CBFA2T2: variants seen among roughly 807,000 people sequenced by gnomAD.
The protein encoded by CBFA2T2 is protein CBFA2T2.
In CBFA2T2, 11 loss-of-function variants were observed where a neutral mutation model predicts 62.2. That is an observed-to-expected ratio of 0.18 (90% CI 0.11 to 0.29). The LOEUF (loss-of-function observed/expected upper bound fraction) is 0.29. CBFA2T2 is among the 10% of genes least tolerant of loss of function. CBFA2T2 has a pLI of 1.00. For synonymous variants in CBFA2T2, 295 were observed against 287.5 expected (o/e 1.03, Z -0.27); for missense variants, 592 against 774.1 (o/e 0.76, Z 2.79).
chr20:33,541,940 A>G (rs902785879), intron 1 of CBFA2T2, among the ~76,000 whole-genome samples: 4 of 152,118 alleles, frequency 2.6e-5, no homozygotes. Context: ...GTGCAGTGGC[A>G]TCATCATAGC....
At chr20:33,548,425 G>A (rs1379352974) in intron 1 of CBFA2T2, among the ~76,000 whole-genome samples, 2 of 151,540 alleles carry the variant, frequency 1.3e-5, no homozygotes, top group Non-Finnish European at 2.9e-5. Flanking sequence ...TGTAATTTTA[G>A]TAGAGATGGG....
chr20:33,549,428 A>G (rs209661), intron 1 of CBFA2T2, among the ~76,000 whole-genome samples: 2,019 of 152,312 alleles, frequency 0.013, 44 homozygotes, highest in African/African-American at 0.046. Flanking sequence ...CTCAGCAGTA[A>G]AAAGGAGTGA....
rs2015517014 is a variant in CBFA2T2 at position 33,611,253 on chromosome 20, T to G, written c.338T>G (p.Phe113Cys). ...GARQLSKLKRFLTTLQQFGND... is the reference protein window; with the variant it reads ...GARQLSKLKRCLTTLQQFGND... Reference sequence around the variant, plus strand: ...CGACAACTCAGCAAGTTGAAACGCTTTCTTACCACTCTGCAACAGTTTGGC... The same window carrying G: ...CGACAACTCAGCAAGTTGAAACGCTGTCTTACCACTCTGCAACAGTTTGGC... The change falls in exon 3 of 11, where the codon TTT (phenylalanine) becomes TGT (cysteine). Residue 113 changes from phenylalanine to cysteine, a missense_variant. By Grantham distance (205) the Phe-to-Cys change is radical. Transcript: ENST00000342704. 6.2e-7 allele frequency: 1 copy of G among 1,614,062 alleles called. No individual in the cohort carries two copies. The highest frequency in any genetic ancestry group is 8.5e-7 in the Non-Finnish European group (1 of 1,180,030).
chr20:33,600,624 A>C (rs2015094279), intron 1 of CBFA2T2, among the ~76,000 whole-genome samples: 1 of 152,122 alleles, frequency 6.6e-6, no homozygotes, highest in Non-Finnish European at 1.5e-5. Flanking sequence ...TGGGGGCACT[A>C]TTCAAACTAT....
intron 1 of CBFA2T2, among the ~76,000 whole-genome samples, chr20:33,584,276 T>C (rs1425131551): frequency 6.6e-6 from 1 of 150,584 alleles, no homozygotes; most frequent in Non-Finnish European, 1.5e-5. Context: ...TTTTCTTTTT[T>C]TTTTTTTGAG....
intron 1 of CBFA2T2, among the ~76,000 whole-genome samples, chr20:33,494,460 T>G (rs929223000): frequency 1.0e-4 from 15 of 150,384 alleles, no homozygotes; most frequent in Non-Finnish European, 1.9e-4. Flanking sequence ...TTTTTGTATT[T>G]TTGGTAGAGG....
chr20:33,567,669 G>A (rs2146899074), intron 1 of CBFA2T2, among the ~76,000 whole-genome samples: 1 of 150,698 alleles, frequency 6.6e-6, no homozygotes, highest in South Asian at 2.1e-4. Context: ...TGCAACCTCC[G>A]CCTCTCAGGT....
At chr20:33,504,087 ACTTTTT>A (rs984323095) in intron 1 of CBFA2T2, among the ~76,000 whole-genome samples, 6 of 151,790 alleles carry the variant, frequency 4.0e-5, no homozygotes, top group African/African-American at 1.5e-4. Context: ...TTGTTTCTCT[ACTTTTT>A]CTTTTCTATA....
chr20:33,562,382 G>A (rs1006662765), intron 1 of CBFA2T2: 1 of 985,932 alleles, frequency 1.0e-6, no homozygotes, highest in South Asian at 4.7e-5. Flanking sequence ...GAAAAAGAGA[G>A]AGACTGACTG....
chr20:33,629,937 A>G (rs1437862694), intron 8 of CBFA2T2, 23 bp downstream of exon 8: 1 of 1,570,108 alleles, frequency 6.4e-7, no homozygotes, highest in East Asian at 2.3e-5. Context: ...TCTACGGGAA[A>G]CCCAAAATAA....
chr20:33,624,928 C>G lies in CBFA2T2; in HGVS notation c.857C>G (p.Thr286Ser), dbSNP rs2016165317. The G allele has an allele frequency of 6.2e-7, 1 of 1,613,968 alleles. No homozygotes were observed. Among genetic ancestry groups the G allele is most frequent in the Non-Finnish European group, 8.5e-7 (1 of 1,180,020 alleles). ...ACCCCTCCACCTCTTCAGCATTACA[C>G]CTTAGAGGATATTGCAACTTCTCAC... ...HPTPPPLQHY[T>S]LEDIATSHLY... Residue 286 changes from threonine to serine, a missense_variant, in exon 6 of 11, where the codon ACC becomes AGC. By Grantham distance (58) the Thr-to-Ser change is moderately conservative (BLOSUM62 1). Coordinates refer to ENST00000342704, the MANE Select transcript of CBFA2T2 (RefSeq NM_001032999.3).
chr20:33,562,880 CT>C (rs1388095256), intron 1 of CBFA2T2, among the ~76,000 whole-genome samples: 1 of 152,032 alleles, frequency 6.6e-6, no homozygotes, highest in Non-Finnish European at 1.5e-5. Context: ...GAATGTCATG[CT>C]TTTTTGAATG....
At chr20:33,580,882 A>G (rs963479174) in intron 1 of CBFA2T2, among the ~76,000 whole-genome samples, 3 of 152,198 alleles carry the variant, frequency 2.0e-5, no homozygotes, top group African/African-American at 7.2e-5. Flanking sequence ...TTAAAAAGGC[A>G]GACTCCATTT....
At chr20:33,637,273 T>A (rs1190713045) in intron 9 of CBFA2T2, among the ~76,000 whole-genome samples, 1 of 152,234 alleles carries the variant, frequency 6.6e-6, no homozygotes, top group African/African-American at 2.4e-5. Flanking sequence ...ATATTGGCAT[T>A]CTTTCACTTC....
chr20:33,542,961 C>G (rs191415640), intron 1 of CBFA2T2, among the ~76,000 whole-genome samples: 10 of 152,124 alleles, frequency 6.6e-5, no homozygotes, highest in African/African-American at 2.4e-4. Flanking sequence ...CCACCATGCC[C>G]GGCTATTTCT....
chr20:33,497,581 CA>C, intron 1 of CBFA2T2, among the ~76,000 whole-genome samples: 1 of 133,110 alleles, frequency 7.5e-6, no homozygotes, highest in African/African-American at 2.9e-5. Context: ...GAAGGGGTCT[CA>C]CTCTGTCGCT....
In CBFA2T2 at chr20:33,644,415, C is replaced by T. The variant is rs752249135; in HGVS notation, c.1557C>T (p.Gly519=). 3 of 1,614,136 alleles carry T rather than the reference C, an allele frequency of 1.9e-6. No individual in the cohort carries two copies. The highest frequency in any genetic ancestry group is 1.3e-5 in the African/African-American group (1 of 74,950). ...CSGCNIARYC[G]SFCQHKDWER... Reference sequence around the variant, plus strand: ...GCTGCAATATCGCGCGATACTGTGGCTCTTTCTGCCAGCACAAGGACTGGG... The same window carrying T: ...GCTGCAATATCGCGCGATACTGTGGTTCTTTCTGCCAGCACAAGGACTGGG... Residue 519 remains glycine, a synonymous_variant, in exon 11 of 11, where the codon GGC becomes GGT. Transcript: ENST00000342704.
rs1271055332 is a variant in CBFA2T2 at position 33,628,697 on chromosome 20, G to C, written c.1032+262G>C. Among the ~76,000 whole-genome samples the C allele has an allele frequency of 3.3e-5, 5 of 152,132 alleles. No homozygotes were observed. In the East Asian group the frequency reaches 9.6e-4, roughly 29 times the overall value. On this transcript the variant is annotated intron_variant, in intron 7 of 10. Transcript: ENST00000342704. ...TTGGCCAGGCTGGTCTCAAACCCCT[G>C]ACCTCAAGTGATCTCCCCACCTCAG...
chr20:33,554,976 C>G (rs1390514878), intron 1 of CBFA2T2, among the ~76,000 whole-genome samples: 1 of 151,994 alleles, frequency 6.6e-6, no homozygotes, highest in Non-Finnish European at 1.5e-5. Context: ...AGACATTTAG[C>G]AGAATTTAGG....
Sources: gnomAD v4.1 joint callset for allele counts (sites outside exome capture counted in the v4.1 genomes callset) on GRCh38, gnomAD v4.1.1 for gene constraint, MANE v1.5 for transcripts, NCBI Gene and HGNC (gene_info 2026-07-23, HGNC 2026-07-21) for gene names.